GABRR2: variants seen among roughly 807,000 people sequenced by gnomAD.
GABRR2 encodes the protein gamma-aminobutyric acid receptor subunit rho-2.
A neutral mutation model predicts 47.0 loss-of-function variants in GABRR2; 36 were observed. The observed-to-expected ratio is 0.77, with a 90% CI of 0.59 to 1.01. GABRR2 has a LOEUF of 1.01. Ranked by LOEUF, GABRR2 falls within the 50% of genes least tolerant of loss-of-function variation. The pLI, the probability that GABRR2 is intolerant of heterozygous loss-of-function variation, is 0.00. For synonymous variants in GABRR2, 204 were observed against 227.5 expected (o/e 0.90, Z 0.93); for missense variants, 587 against 594.6 (o/e 0.99, Z 0.13).
In GABRR2 at chr6:89,301,966, C is replaced by A; in HGVS notation, c.114-2101G>T. 8.2e-6 allele frequency: 7 copies of A among 853,258 alleles called. No individual in the cohort carries two copies. In the South Asian group the frequency reaches 9.9e-5, roughly 12 times the overall value. The allele number at this position is 853,258 out of a possible 1,614,324, so 52.9% of individuals were successfully genotyped here. ...GGCCTCTTCTCATAAGTATGTGCCTCGGGCCATTCGTCGACCTGGAGCCCG... is the reference window on the plus strand; with the variant it reads ...GGCCTCTTCTCATAAGTATGTGCCTAGGGCCATTCGTCGACCTGGAGCCCG... On this transcript the variant is annotated intron_variant, in intron 1 of 8. Coordinates refer to ENST00000402938, the MANE Select transcript of GABRR2 (RefSeq NM_002043.5).
chr6:89,265,226 G>A (rs1773863495), intron 7 of GABRR2, among the ~76,000 whole-genome samples: 1 of 152,102 alleles, frequency 6.6e-6, no homozygotes, highest in South Asian at 2.1e-4. Context: ...CTCATATTCT[G>A]TGCCCTACCT....
rs924521016 is a variant in GABRR2, at chr6:89,256,303, A to C, written c.*1367T>G. On this transcript the variant is annotated 3_prime_UTR_variant, in exon 9 of 9. Coordinates refer to ENST00000402938, the MANE Select transcript of GABRR2 (RefSeq NM_002043.5). ...ACACTGAACTATTACTGAGGCACTA[A>C]ACACTCTTAATCTTATATTATAGAT... Among the ~76,000 whole-genome samples, 4 of 151,380 alleles carry C rather than the reference A, an allele frequency of 2.6e-5. No homozygotes were observed. Among genetic ancestry groups the C allele is most frequent in the Non-Finnish European group, 5.9e-5 (4 of 67,880 alleles).
At chr6:89,302,061 A>G in intron 1 of GABRR2, 2 of 647,000 alleles carry the variant, frequency 3.1e-6, no homozygotes, top group Non-Finnish European at 5.7e-6. Flanking sequence ...ATCTTTGGTC[A>G]GAGTGGGGCC....
In GABRR2 at chr6:89,255,792, G is replaced by C. The variant is rs1467908142; in HGVS notation, c.*1878C>G. ...GGCTGGTAGAGCTTCCTGGTCTTTA[G>C]GCTGCCCAGCCCAGTGCAGTAGCTA... is the stretch of plus-strand genomic sequence containing the variant. On this transcript the variant is annotated 3_prime_UTR_variant, in exon 9 of 9. Transcript: ENST00000402938. Among the ~76,000 whole-genome samples the C allele has an allele frequency of 6.6e-6, 1 of 152,170 alleles. No homozygotes were observed. The highest frequency in any genetic ancestry group is 1.5e-5 in the Non-Finnish European group (1 of 68,036).
At chr6:89,314,897 C>T (rs1443931392) in intron 1 of GABRR2, among the ~76,000 whole-genome samples, 156 bp downstream of exon 1, 1 of 152,172 alleles carries the variant, frequency 6.6e-6, no homozygotes, top group African/African-American at 2.4e-5. Context: ...AGTATGTGTG[C>T]CCAGGGAGAG....
chr6:89,303,134 G>A, intron 1 of GABRR2: 1 of 512,680 alleles, frequency 2.0e-6, no homozygotes, highest in Admixed American at 2.5e-5. Flanking sequence ...CAGCTGGAGT[G>A]AGGGGCAGGT....
At chr6:89,263,376 A>G (rs901201842) in intron 8 of GABRR2, among the ~76,000 whole-genome samples, 1 of 152,234 alleles carries the variant, frequency 6.6e-6, no homozygotes, top group Non-Finnish European at 1.5e-5. Flanking sequence ...ACATGAGGCC[A>G]TTAGTAGTTA....
At chr6:89,267,528 C>G in intron 6 of GABRR2, 151 bp downstream of exon 6, 3 of 767,958 alleles carry the variant, frequency 3.9e-6, no homozygotes, top group Non-Finnish European at 6.1e-6. Flanking sequence ...GATTTCGCCA[C>G]TACACTCCAG....
chr6:89,303,666 A>C (rs1767502359), intron 1 of GABRR2, among the ~76,000 whole-genome samples: 2 of 151,502 alleles, frequency 1.3e-5, no homozygotes, highest in South Asian at 2.1e-4. Context: ...AAAAAAAAAA[A>C]AAACCCAAAG....
At chr6:89,283,732 T>A (rs1024495998) in intron 2 of GABRR2, among the ~76,000 whole-genome samples, 2 of 152,080 alleles carry the variant, frequency 1.3e-5, no homozygotes, top group African/African-American at 4.8e-5. Flanking sequence ...GCCAAGTACA[T>A]CCAGGAGGGA....
chr6:89,262,028 C>CAAA (rs35450080), intron 8 of GABRR2, among the ~76,000 whole-genome samples: 10 of 130,454 alleles, frequency 7.7e-5, no homozygotes, highest in African/African-American at 2.8e-4. Flanking sequence ...GACCCTGTCT[C>CAAA]AAAAAAAAAA....
rs56360515 is a variant in GABRR2, at chr6:89,300,745, C to CAAAAAAAAAAAA, written c.114-892_114-881dup. On this transcript the variant is annotated intron_variant, in intron 1 of 8. Transcript: ENST00000402938. The stretch of plus-strand genomic sequence containing the variant: ...AATCAATAATAAATAGCGTACCAAC[C>CAAAAAAAAAAAA]AAAAAAAAAAAAAAAAAAAAAGGCC... Among the ~76,000 whole-genome samples, 2 of 76,410 alleles carry CAAAAAAAAAAAA rather than the reference C, an allele frequency of 2.6e-5. 1 individual carries two copies. Among genetic ancestry groups the CAAAAAAAAAAAA allele is most frequent in the Non-Finnish European group, 4.7e-5 (2 of 42,888 alleles). 50.1% of individuals were successfully genotyped at this position (76,410 alleles called of 152,430 possible). A position where few individuals can be genotyped will look rare whatever the true frequency, so the allele number is the denominator to read the frequency against.
At chr6:89,271,903 G>A (rs925437014) in intron 2 of GABRR2, among the ~76,000 whole-genome samples, 181 bp from the exon 3 acceptor site, 8 of 152,212 alleles carry the variant, frequency 5.3e-5, no homozygotes, top group African/African-American at 9.7e-5. Context: ...TCTCCACAAC[G>A]TCAGGGACTG....
At chr6:89,280,158 A>G (rs1168457002) in intron 2 of GABRR2, among the ~76,000 whole-genome samples, 7 of 149,034 alleles carry the variant, frequency 4.7e-5, no homozygotes, top group Admixed American at 1.3e-4. Flanking sequence ...GCAGTGAGCC[A>G]AGATCGTGCC....
intron 1 of GABRR2, chr6:89,301,650 G>A: frequency 2.2e-6 from 1 of 461,174 alleles, no homozygotes; most frequent in Non-Finnish European, 4.0e-6. Context: ...AAATGCCTAG[G>A]AATACAGCTA....
chr6:89,290,949 C>CCACAGCTG (rs1290231741), intron 2 of GABRR2, among the ~76,000 whole-genome samples: 2 of 152,170 alleles, frequency 1.3e-5, no homozygotes, highest in Non-Finnish European at 2.9e-5. Flanking sequence ...TGGGGCTTTG[C>CCACAGCTG]CACAGCTGCT....
At chr6:89,278,549 A>C (rs1774205616) in intron 2 of GABRR2, among the ~76,000 whole-genome samples, 1 of 152,254 alleles carries the variant, frequency 6.6e-6, no homozygotes, top group South Asian at 2.1e-4. Flanking sequence ...TGAGTCTCAC[A>C]TCTAGGCAAA....
At chr6:89,294,070 T>A (rs746709930) in intron 2 of GABRR2, among the ~76,000 whole-genome samples, 1 of 152,248 alleles carries the variant, frequency 6.6e-6, no homozygotes, top group East Asian at 1.9e-4. Context: ...AAAAATATTT[T>A]GTTTAAAAAA....
At chr6:89,307,602 G>A (rs1582466619) in intron 1 of GABRR2, among the ~76,000 whole-genome samples, 1 of 152,176 alleles carries the variant, frequency 6.6e-6, no homozygotes, top group East Asian at 1.9e-4. Flanking sequence ...CCTGAGAGCT[G>A]CCCAGGGCAC....
Sources: allele counts gnomAD v4.1 joint callset (sites outside exome capture counted in the v4.1 genomes callset), GRCh38; gene constraint gnomAD v4.1.1; transcripts MANE v1.5; gene names NCBI Gene and HGNC (gene_info 2026-07-23, HGNC 2026-07-21).